The following MED25 variants were observed in gnomAD, a reference collection of about 807,000 sequenced individuals.
The protein encoded by MED25 is mediator of RNA polymerase II transcription subunit 25.
A neutral mutation model predicts 89.4 loss-of-function variants in MED25; 62 were observed. The ratio of observed to expected loss-of-function variants is 0.69; its 90% CI spans 0.57 to 0.86. MED25 has a LOEUF of 0.86. Ranked by LOEUF, MED25 falls within the 40% of genes least tolerant of loss-of-function variation. MED25 has a pLI of 0.00. For synonymous variants in MED25, 449 were observed against 427.9 expected, an observed-to-expected ratio of 1.05 and a Z score of -0.61; for missense variants, 905 against 1,005.2, an observed-to-expected ratio of 0.90 and a Z score of 1.35.
chr19:49,819,452 C>A, intron 3 of MED25, 156 bp downstream of exon 3: 1 of 795,156 alleles, frequency 1.3e-6, no homozygotes, highest in Non-Finnish European at 2.0e-6. Context: ...TAAGTAATGG[C>A]TTGGGGTGGT....
At chr19:49,818,513 A>C in intron 1 of MED25, 38 bp downstream of exon 1, 2 of 1,614,030 alleles carry the variant, frequency 1.2e-6, no homozygotes, top group Non-Finnish European at 1.7e-6. Flanking sequence ...CCGCCCTCCC[A>C]CTTCAGTTTC....
rs1359705072 is a variant in MED25, at chr19:49,829,433, C to G, written c.525+343C>G. Reference sequence around the variant, plus strand: ...AGCTGGGATTATAGACGCCCGCCACCACGCCCAGCTGATTTTTGTATCTTT... The same window carrying G: ...AGCTGGGATTATAGACGCCCGCCACGACGCCCAGCTGATTTTTGTATCTTT... On this transcript the variant is annotated intron_variant, in intron 5 of 17. Coordinates refer to ENST00000312865, the MANE Select transcript of MED25 (RefSeq NM_030973.4). This position sits in a 1 kb window ranked among gnomAD's most constrained non-coding sequence, Gnocchi z 4.6. Among the ~76,000 whole-genome samples the G allele has an allele frequency of 2.0e-5, 3 of 152,166 alleles. No individual in the cohort carries two copies. The highest frequency in any genetic ancestry group is 4.4e-5 in the Non-Finnish European group (3 of 68,034).
At position 49,818,378 on chromosome 19, in the gene MED25, A is replaced by G. The variant is rs1191968491; in HGVS notation, c.37A>G (p.Ser13Gly). The G allele has an allele frequency of 6.2e-7, 1 of 1,611,016 alleles. No individual in the cohort carries two copies. The highest frequency in any genetic ancestry group is 8.5e-7 in the Non-Finnish European group (1 of 1,178,826). ...PGSEGPARAGSVVADVVFVIE... is the reference protein window; with the variant it reads ...PGSEGPARAGGVVADVVFVIE... ...GTCCGAGGGCCCGGCCCGCGCCGGG[A>G]GCGTGGTGGCCGACGTGGTGTTTGT... The change falls in exon 1 of 18, where the codon AGC becomes GGC. Residue 13 changes from serine to glycine, a missense_variant. Physicochemically the swap from Ser to Gly is moderately conservative, Grantham distance 56 (BLOSUM62 0). This residue lies in a region of MED25 where 501 missense variants were observed against 526.9 expected (regional missense o/e 0.95). Coordinates refer to ENST00000312865, the MANE Select transcript of MED25 (RefSeq NM_030973.4).
rs1276289284 is a variant in MED25, at chr19:49,831,292, C to T, written c.1102-41C>T. 1 of 1,598,740 alleles carries T rather than the reference C, an allele frequency of 6.3e-7. No individual in the cohort carries two copies. ...CAGGATGGCCCCCGGAGGCTCCCGG[C>T]CTTCCCCATTCTCATGGCCCTCCTT... On this transcript the variant is annotated intron_variant, in intron 9 of 17. Coordinates refer to ENST00000312865, the MANE Select transcript of MED25 (RefSeq NM_030973.4). The surrounding 1 kb of genome is among the most constrained non-coding windows in gnomAD (Gnocchi z 5.0).
intron 3 of MED25, among the ~76,000 whole-genome samples, chr19:49,820,205 C>A (rs899316500): frequency 4.6e-5 from 7 of 152,178 alleles, no homozygotes; most frequent in Non-Finnish European, 7.3e-5. Flanking sequence ...CAGGCCCAAG[C>A]CGACTCACGT....
rs2123889046 is a variant in MED25 at position 49,836,222 on chromosome 19, C to T, written c.1966-4C>T. 6.2e-7 allele frequency: 1 copy of T among 1,612,030 alleles called. No individual in the cohort carries two copies. ...CCTCTGAGCCACTCTCTGTGTTCTC[C>T]CAGCCGCAGACTGGGGTGCCCCCAC... On this transcript the variant is annotated splice_region_variant and splice_polypyrimidine_tract_variant and intron_variant, in intron 16 of 17. Coordinates refer to ENST00000312865, the MANE Select transcript of MED25 (RefSeq NM_030973.4). This position sits in a 1 kb window ranked among gnomAD's most constrained non-coding sequence, Gnocchi z 5.1.
At position 49,836,893 on chromosome 19, in the gene MED25, G is replaced by A. The variant is rs374361800; in HGVS notation, c.2193G>A (p.Pro731=). ...SGGPRGPVPQ[P]GLQPSVMEDD... is the part of the protein sequence containing the mutation. ...GTCCCCGGGGCCCGGTCCCCCAGCC[G>A]GGCCTGCAGCCCAGCGTCATGGAGG... Residue 731 remains proline (P), a synonymous_variant, in exon 18 of 18, where the codon CCG becomes CCA. Coordinates refer to ENST00000312865, the MANE Select transcript of MED25 (RefSeq NM_030973.4). This position sits in a 1 kb window ranked among gnomAD's most constrained non-coding sequence, Gnocchi z 5.1. 20 of 1,612,660 alleles carry A rather than the reference G, an allele frequency of 1.2e-5. No individual in the cohort carries two copies. The highest frequency in any genetic ancestry group is 2.2e-5 in the East Asian group (1 of 44,876).
chr19:49,832,360 C>G lies in MED25; in HGVS notation c.1427C>G (p.Thr476Ser), dbSNP rs771824918. The change falls in exon 13 of 18, where the codon ACC becomes AGC. Residue 476 changes from threonine to serine, a missense_variant. Transcript: ENST00000312865. ...TCAAGGATGGTCCAGTTCCATTTCA[C>G]CAACAAGGACCTGGAGTCTCTCAAA... ...RNSRMVQFHF[T>S]NKDLESLKGL... 6.2e-7 allele frequency: 1 copy of G among 1,611,588 alleles called. No homozygotes were observed. The highest frequency in any genetic ancestry group is 8.5e-7 in the Non-Finnish European group (1 of 1,178,746).
At position 49,836,696 on chromosome 19, in the gene MED25, C is replaced by A; in HGVS notation, c.2147-151C>A. ...AGTTTTGGAGAAGGGCCCCCAAAGGCTCATGGGAAACAGCATATTTGTAAC... is the reference window on the plus strand; with the variant it reads ...AGTTTTGGAGAAGGGCCCCCAAAGGATCATGGGAAACAGCATATTTGTAAC... On this transcript the variant is annotated intron_variant, in intron 17 of 17. Coordinates refer to ENST00000312865, the MANE Select transcript of MED25 (RefSeq NM_030973.4). This position sits in a 1 kb window ranked among gnomAD's most constrained non-coding sequence, Gnocchi z 5.1. 1.3e-6 allele frequency: 1 copy of A among 749,974 alleles called. No homozygotes were observed. Among genetic ancestry groups the A allele is most frequent in the Non-Finnish European group, 2.4e-6 (1 of 415,764 alleles). 46.5% of individuals were successfully genotyped at this position (749,974 alleles called of 1,614,324 possible).
intron 3 of MED25, among the ~76,000 whole-genome samples, chr19:49,820,359 C>G (rs2073973775): frequency 6.6e-6 from 1 of 152,230 alleles, no homozygotes; most frequent in Non-Finnish European, 1.5e-5. Flanking sequence ...ATTGTTGTAA[C>G]AGGTTTATAA....
At chr19:49,828,769 C>A (rs1318590531) in intron 4 of MED25, among the ~76,000 whole-genome samples, 3 of 152,228 alleles carry the variant, frequency 2.0e-5, no homozygotes, top group Non-Finnish European at 2.9e-5. Context: ...CTGGGTGTCA[C>A]TCCTGCCTGC....
At chr19:49,827,787 G>A (rs2074025305) in intron 3 of MED25, among the ~76,000 whole-genome samples, 1 of 152,264 alleles carries the variant, frequency 6.6e-6, no homozygotes, top group South Asian at 2.1e-4. Context: ...GTGGGGCCAG[G>A]ACTGATTTGG....
chr19:49,829,665 T>G lies in MED25; in HGVS notation c.526-121T>G. ...CAGGGTCTCCTGCCTCAAAGCCCAA[T>G]GGGAATTGTGGTTGTAGGGCTGGTG... On this transcript the variant is annotated intron_variant, in intron 5 of 17. Transcript: ENST00000312865. This position sits in a 1 kb window ranked among gnomAD's most constrained non-coding sequence, Gnocchi z 4.6. 4 of 1,056,528 alleles carry G rather than the reference T, an allele frequency of 3.8e-6. No homozygotes were observed. Among genetic ancestry groups the G allele is most frequent in the Non-Finnish European group, 5.5e-6 (4 of 724,564 alleles). The allele number at this position is 1,056,528 out of a possible 1,614,324, so 65.4% of individuals were successfully genotyped here. A position where few individuals can be genotyped will look rare whatever the true frequency, so the allele number is the denominator to read the frequency against.
chr19:49,836,721 C>A lies in MED25; in HGVS notation c.2147-126C>A. On this transcript the variant is annotated intron_variant, in intron 17 of 17. Transcript: ENST00000312865. The surrounding 1 kb of genome is among the most constrained non-coding windows in gnomAD (Gnocchi z 5.1). The stretch of plus-strand genomic sequence containing the variant: ...CTCATGGGAAACAGCATATTTGTAA[C>A]TAGATGGGGCCAGAAGGTGCTTCTG... 1.3e-6 allele frequency: 1 copy of A among 776,684 alleles called. No individual in the cohort carries two copies. Among genetic ancestry groups the A allele is most frequent in the Non-Finnish European group, 2.3e-6 (1 of 439,590 alleles). The allele number at this position is 776,684 out of a possible 1,614,324, so 48.1% of individuals were successfully genotyped here.
chr19:49,837,094 G>A (rs771757095), downstream of MED25: 9 of 729,776 alleles, frequency 1.2e-5, no homozygotes, highest in Admixed American at 2.1e-5. Flanking sequence ...GGTGAATGAC[G>A]CTGGGGCCTC....
rs141471634 is a variant in MED25, at chr19:49,831,577, G to A, written c.1230+116G>A. On this transcript the variant is annotated intron_variant, in intron 10 of 17. Coordinates refer to ENST00000312865, the MANE Select transcript of MED25 (RefSeq NM_030973.4). The surrounding 1 kb of genome is among the most constrained non-coding windows in gnomAD (Gnocchi z 5.0). Reference sequence around the variant, plus strand: ...TGCAGTGCTGGGTTTGGAGGCATTCGTTGCGCTGGACCTGTGGGATGCGGG... The same window carrying A: ...TGCAGTGCTGGGTTTGGAGGCATTCATTGCGCTGGACCTGTGGGATGCGGG... 793 of 1,325,080 alleles carry A rather than the reference G, an allele frequency of 6.0e-4. 12 individuals carry two copies. In the East Asian group the frequency reaches 0.019, roughly 32 times the overall value. 82.1% of individuals were successfully genotyped at this position (1,325,080 alleles called of 1,614,324 possible).
chr19:49,819,070 T>TC, intron 2 of MED25, 102 bp from the exon 3 acceptor site: 1 of 1,431,396 alleles, frequency 7.0e-7, no homozygotes, highest in Non-Finnish European at 9.7e-7. Flanking sequence ...GCTGAGGAGT[T>TC]CCTGGTTCTG....
rs1430307213 is a variant in MED25 at position 49,836,299 on chromosome 19, C to G, written c.2039C>G (p.Pro680Arg). The G allele has an allele frequency of 6.2e-7, 1 of 1,611,716 alleles. No homozygotes were observed. Among genetic ancestry groups the G allele is most frequent in the Non-Finnish European group, 8.5e-7 (1 of 1,179,486 alleles). ...LQPPGAPALL[P>R]PPHQGLGQPQ... ...CCACCAGGGGCTCCTGCGCTGCTGC[C>G]TCCGCCGCACCAGGGCCTGGGGCAG... Residue 680 changes from proline (P) to arginine (R), a missense_variant, in exon 17 of 18, where the codon CCT (proline) becomes CGT (arginine). Transcript: ENST00000312865. This position sits in a 1 kb window ranked among gnomAD's most constrained non-coding sequence, Gnocchi z 5.1.
At position 49,819,301 on chromosome 19, in the gene MED25, G is replaced by A; in HGVS notation, c.305+5G>A. On this transcript the variant is annotated splice_donor_5th_base_variant and intron_variant, in intron 3 of 17. Coordinates refer to ENST00000312865, the MANE Select transcript of MED25 (RefSeq NM_030973.4). ...CACCTGGCTCGATGGCATTAAGTGAGCTTTCCCCCACTTGGGGTGGGTTGC... is the reference window on the plus strand; with the variant it reads ...CACCTGGCTCGATGGCATTAAGTGAACTTTCCCCCACTTGGGGTGGGTTGC... The A allele has an allele frequency of 4.0e-6, 6 of 1,492,196 alleles. No individual in the cohort carries two copies. The highest frequency in any genetic ancestry group is 5.3e-6 in the Non-Finnish European group (6 of 1,123,336). 92.4% of individuals were successfully genotyped at this position (1,492,196 alleles called of 1,614,324 possible).
Sources: allele counts gnomAD v4.1 joint callset (sites outside exome capture counted in the v4.1 genomes callset), GRCh38; gene constraint gnomAD v4.1.1; regional missense constraint gnomAD v4.1.1; non-coding constraint Gnocchi (gnomAD v3.1); transcripts MANE v1.5; gene names NCBI Gene and HGNC (gene_info 2026-07-23, HGNC 2026-07-21).